The following TNNI3K variants were observed in gnomAD, a reference collection of about 807,000 sequenced individuals.
TNNI3K encodes the protein TNNI3 interacting kinase, also known as serine/threonine-protein kinase TNNI3K.
Under a neutral mutation model 114.5 loss-of-function variants are expected in TNNI3K, and 140 were observed. That is an observed-to-expected ratio of 1.22 (90% CI 1.07 to 1.41). TNNI3K has a LOEUF of 1.41. TNNI3K is among the 40% of genes most tolerant of loss of function. TNNI3K has a pLI of 0.00. For synonymous variants in TNNI3K, 347 were observed against 347.5 expected (o/e 1.00, Z 0.02); for missense variants, 1,125 against 1,007.6 (o/e 1.12, Z -1.58).
At chr1:74,246,443 A>G (rs990933800) in intron 2 of TNNI3K, among the ~76,000 whole-genome samples, 2 of 152,240 alleles carry the variant, frequency 1.3e-5, no homozygotes, top group East Asian at 1.9e-4. Context: ...ATCAGTGTCC[A>G]TAAATAAAAA....
At chr1:74,278,251 A>G (rs879822903) in intron 5 of TNNI3K, among the ~76,000 whole-genome samples, 3 of 152,196 alleles carry the variant, frequency 2.0e-5, no homozygotes, top group Non-Finnish European at 2.9e-5. Context: ...CTCCATTTGG[A>G]ATCAGAACAA....
intron 20 of TNNI3K, among the ~76,000 whole-genome samples, chr1:74,450,690 C>T (rs1489087312): frequency 6.6e-6 from 1 of 152,100 alleles, no homozygotes; most frequent in Non-Finnish European, 1.5e-5. Flanking sequence ...ATCAAAACCA[C>T]AATGAGACAC....
intron 20 of TNNI3K, among the ~76,000 whole-genome samples, chr1:74,452,224 A>G (rs950219483): frequency 6.6e-6 from 1 of 152,198 alleles, no homozygotes; most frequent in Non-Finnish European, 1.5e-5. Context: ...AATGCAATTA[A>G]TGATGACTAC....
At chr1:74,360,436 C>T (rs1661899954) in intron 11 of TNNI3K, among the ~76,000 whole-genome samples, 1 of 152,024 alleles carries the variant, frequency 6.6e-6, no homozygotes, top group Admixed American at 6.6e-5. Flanking sequence ...TTCGCTAGAT[C>T]ACCAACATTC....
At chr1:74,250,244 T>C (rs1654845660) in intron 3 of TNNI3K, among the ~76,000 whole-genome samples, 1 of 152,226 alleles carries the variant, frequency 6.6e-6, no homozygotes, top group African/African-American at 2.4e-5. Context: ...TTCTCTCAAC[T>C]TCAAACGTGC....
chr1:74,352,476 C>T (rs1466533863), intron 9 of TNNI3K, among the ~76,000 whole-genome samples: 1 of 152,202 alleles, frequency 6.6e-6, no homozygotes, highest in Non-Finnish European at 1.5e-5. Context: ...GCTGGGAGAA[C>T]CACTACTCTC....
rs780326742 is a variant in TNNI3K, at chr1:74,543,893, T to C, written c.2432-13T>C. On this transcript the variant is annotated splice_polypyrimidine_tract_variant and intron_variant, in intron 24 of 24. Transcript: ENST00000326637. ...GACTAGTAAGTAACAACTGAACTTC[T>C]TTTCTGATGCAGGCTATGTATCCGA... 3 of 1,613,550 alleles carry C rather than the reference T, an allele frequency of 1.9e-6. No homozygotes were observed. The highest frequency in any genetic ancestry group is 2.5e-6 in the Non-Finnish European group (3 of 1,179,778).
intron 23 of TNNI3K, among the ~76,000 whole-genome samples, chr1:74,520,959 A>G (rs1419232284): frequency 1.3e-5 from 2 of 152,140 alleles, no homozygotes; most frequent in African/African-American, 4.8e-5. Flanking sequence ...GGAAGATTGA[A>G]TAGTCCACAG....
chr1:74,353,106 A>G lies in TNNI3K; in HGVS notation c.933-160A>G, dbSNP rs1661462445. 3.9e-5 allele frequency among the ~76,000 whole-genome samples: 6 copies of G among 152,130 alleles called. 1 individual carries two copies. The South Asian group carries it at 1.2e-3, about 32-fold the overall frequency. ...CGGCCATCTTGGCTCCACCCCTCTT[A>G]AGTACCTCTTTAAAGATACAATCCC... On this transcript the variant is annotated intron_variant, in intron 9 of 24. Transcript: ENST00000326637.
At chr1:74,279,110 C>G (rs1383433791) in intron 5 of TNNI3K, among the ~76,000 whole-genome samples, 1 of 152,116 alleles carries the variant, frequency 6.6e-6, no homozygotes. Context: ...CTTCTAGTCA[C>G]AAAAATGTGC....
intron 23 of TNNI3K, among the ~76,000 whole-genome samples, chr1:74,536,623 T>A (rs1220060996): frequency 6.6e-6 from 1 of 152,106 alleles, no homozygotes; most frequent in Non-Finnish European, 1.5e-5. Context: ...ACCTAAAGAC[T>A]ATGTTATTCT....
chr1:74,396,028 T>C (rs750867960), intron 17 of TNNI3K, among the ~76,000 whole-genome samples: 5 of 152,192 alleles, frequency 3.3e-5, no homozygotes, highest in Non-Finnish European at 7.3e-5. Flanking sequence ...TTATGCTCTT[T>C]GTTGGATTAG....
At chr1:74,457,883 T>G (rs762509293) in intron 20 of TNNI3K, among the ~76,000 whole-genome samples, 7 of 152,172 alleles carry the variant, frequency 4.6e-5, no homozygotes, top group African/African-American at 7.2e-5. Context: ...ACCAGTGAGA[T>G]AGGTTGTAGC....
In TNNI3K at chr1:74,534,832, G is replaced by T. The variant is rs17095536; in HGVS notation, c.2352-5402G>T. 4.6e-3 allele frequency among the ~76,000 whole-genome samples: 707 copies of T among 152,224 alleles called. 5 individuals carry two copies. The highest frequency in any genetic ancestry group is 0.016 in the African/African-American group (680 of 41,538). On this transcript the variant is annotated intron_variant, in intron 23 of 24. Transcript: ENST00000326637. Reference sequence around the variant, plus strand: ...CTTAACGATGGGTTTATGTGAAAGTGGTTTCTCTACAGTTTCCTCTGCTTC... The same window carrying T: ...CTTAACGATGGGTTTATGTGAAAGTTGTTTCTCTACAGTTTCCTCTGCTTC...
chr1:74,488,588 C>T (rs1668883914), intron 21 of TNNI3K, among the ~76,000 whole-genome samples: 1 of 152,132 alleles, frequency 6.6e-6, no homozygotes, highest in Admixed American at 6.5e-5. Context: ...GCAACTGGAA[C>T]AAAGCTTGAA....
chr1:74,480,168 C>T (rs1173933782), intron 21 of TNNI3K: 2 of 716,760 alleles, frequency 2.8e-6, no homozygotes, highest in South Asian at 3.0e-5. Flanking sequence ...AAGCCAAGGA[C>T]AGTCAGCAGG....
At chr1:74,335,949 G>T in intron 6 of TNNI3K, 62 bp from the exon 7 acceptor site, 1 of 1,498,866 alleles carries the variant, frequency 6.7e-7, no homozygotes. Flanking sequence ...CTTGTATACT[G>T]CCAAAAGTTT....
intron 5 of TNNI3K, among the ~76,000 whole-genome samples, chr1:74,312,426 C>T (rs560882327): frequency 6.6e-6 from 1 of 152,280 alleles, no homozygotes; most frequent in African/African-American, 2.4e-5. Flanking sequence ...TATGAAATTG[C>T]AGCAGAGCTG....
chr1:74,268,616 T>C (rs1656158708), intron 4 of TNNI3K, among the ~76,000 whole-genome samples: 1 of 151,820 alleles, frequency 6.6e-6, no homozygotes, highest in African/African-American at 2.4e-5. Context: ...ATAGGTATTA[T>C]CAGAACAATT....
Sources: allele counts gnomAD v4.1 joint callset (sites outside exome capture counted in the v4.1 genomes callset), GRCh38; gene constraint gnomAD v4.1.1; transcripts MANE v1.5; gene names NCBI Gene and HGNC (gene_info 2026-07-23, HGNC 2026-07-21).